The following NELL2 variants were observed in gnomAD, a reference collection of about 807,000 sequenced individuals.
NELL2 encodes protein kinase C-binding protein NELL2.
NELL2 carries 41 observed loss-of-function variants against 109.6 expected under a neutral mutation model. That is an observed-to-expected ratio of 0.37 (90% CI 0.29 to 0.49). The LOEUF (loss-of-function observed/expected upper bound fraction) is 0.49, where lower values mean the gene tolerates loss of function less well. Ranked by LOEUF, NELL2 falls within the 20% of genes least tolerant of loss-of-function variation. NELL2 has a pLI of 0.98. For missense variants in NELL2, 900 were observed against 1,008.3 expected (o/e 0.89, Z 1.45); for synonymous variants, 355 against 344.7 (o/e 1.03, Z -0.33).
intron 12 of NELL2, among the ~76,000 whole-genome samples, chr12:44,698,151 CATG>C: frequency 6.6e-6 from 1 of 152,294 alleles, no homozygotes; most frequent in Admixed American, 6.5e-5. Context: ...CCTCCTCCAG[CATG>C]ATTTTATCTC....
intron 12 of NELL2, among the ~76,000 whole-genome samples, chr12:44,699,305 G>A (rs924317305): frequency 6.6e-6 from 1 of 151,952 alleles, no homozygotes; most frequent in African/African-American, 2.4e-5. Flanking sequence ...CACTAAAGTA[G>A]GCCAATATAC....
At chr12:44,831,128 A>T (rs1943875179) in intron 2 of NELL2, among the ~76,000 whole-genome samples, 1 of 151,986 alleles carries the variant, frequency 6.6e-6, no homozygotes, top group South Asian at 2.1e-4. Flanking sequence ...AATTAAACTC[A>T]CTATTTAAAT....
chr12:44,532,836 A>G, intron 15 of NELL2, 115 bp from the exon 16 acceptor site: 1 of 913,636 alleles, frequency 1.1e-6, no homozygotes, highest in Non-Finnish European at 1.6e-6. Flanking sequence ...AAACTGGGAA[A>G]ATATAAAATT....
rs559597201 is a variant in NELL2 at position 44,875,597 on chromosome 12, C to T, written c.55+218G>A. ...CCCTTCTCTCTGCAAAGTTCCCCCT[C>T]AGCCCTCCGACCCTGGACTAGGGGC... On this transcript the variant is annotated intron_variant, in intron 1 of 19. Coordinates refer to ENST00000429094, the MANE Select transcript of NELL2 (RefSeq NM_001145108.2). The T allele has an allele frequency of 1.1e-5, 18 of 1,613,562 alleles. No individual in the cohort carries two copies. In the East Asian group the frequency reaches 3.6e-4, roughly 32 times the overall value.
chr12:44,905,601 T>C (rs1285684603), intron 1 of NELL2, among the ~76,000 whole-genome samples: 1 of 152,092 alleles, frequency 6.6e-6, no homozygotes, highest in African/African-American at 2.4e-5. Flanking sequence ...AATTAATATC[T>C]GGTTATCCAA....
At chr12:44,601,748 T>C (rs1003015619) in intron 15 of NELL2, among the ~76,000 whole-genome samples, 1 of 152,178 alleles carries the variant, frequency 6.6e-6, no homozygotes, top group African/African-American at 2.4e-5. Context: ...CCTTACTTCA[T>C]TTAATCTCTA....
rs555907202 is a variant in NELL2 at position 44,836,617 on chromosome 12, T to C, written c.185-20481A>G. Reference sequence around the variant, plus strand: ...TGATAGAGAAAAACTAGGATTTCCATAGTCAGAGGAAGGAAGAGAGAAAGT... The same window carrying C: ...TGATAGAGAAAAACTAGGATTTCCACAGTCAGAGGAAGGAAGAGAGAAAGT... On this transcript the variant is annotated intron_variant, in intron 2 of 19. Coordinates refer to ENST00000429094, the MANE Select transcript of NELL2 (RefSeq NM_001145108.2). Among the ~76,000 whole-genome samples the C allele has an allele frequency of 7.9e-5, 12 of 152,282 alleles. No individual in the cohort carries two copies. The South Asian group carries it at 2.3e-3, about 29-fold the overall frequency.
chr12:44,655,133 C>T (rs73285888), intron 13 of NELL2, among the ~76,000 whole-genome samples: 5,263 of 152,214 alleles, frequency 0.035, 305 homozygotes, highest in African/African-American at 0.12. Context: ...AATACATCCA[C>T]CTGGGACAAA....
chr12:44,591,094 A>G (rs992027500), intron 15 of NELL2, among the ~76,000 whole-genome samples: 7 of 152,228 alleles, frequency 4.6e-5, no homozygotes, highest in African/African-American at 1.2e-4. Context: ...TACCACAGTT[A>G]GAATGGCTAT....
chr12:44,870,726 A>G (rs879522744), intron 2 of NELL2, among the ~76,000 whole-genome samples: 1 of 152,102 alleles, frequency 6.6e-6, no homozygotes, highest in Non-Finnish European at 1.5e-5. Flanking sequence ...CTCTACACTG[A>G]CTATTCTGCT....
chr12:44,743,375 A>G (rs1406260422), intron 9 of NELL2, among the ~76,000 whole-genome samples: 1 of 152,232 alleles, frequency 6.6e-6, no homozygotes, highest in East Asian at 1.9e-4. Flanking sequence ...CATCGAGGCT[A>G]GGAAGAAACT....
At chr12:44,628,227 G>A (rs2136281472) in intron 13 of NELL2, among the ~76,000 whole-genome samples, 1 of 152,292 alleles carries the variant, frequency 6.6e-6, no homozygotes, top group Non-Finnish European at 1.5e-5. Flanking sequence ...CAATGTTAAT[G>A]AATAATACAA....
intron 13 of NELL2, among the ~76,000 whole-genome samples, chr12:44,634,209 CAT>C (rs1409260617): frequency 6.6e-6 from 1 of 151,988 alleles, no homozygotes; most frequent in East Asian, 1.9e-4. Flanking sequence ...TTCTGGGACA[CAT>C]GTGCAGAAGG....
In NELL2 at chr12:44,777,278, G is replaced by C. The variant is rs774343856; in HGVS notation, c.643C>G (p.Gln215Glu). The C allele has an allele frequency of 1.2e-6, 2 of 1,613,802 alleles. No individual in the cohort carries two copies. The highest frequency in any genetic ancestry group is 2.2e-5 in the South Asian group (2 of 91,064). ...MQDVQLLVMP[Q>E]GFIAQCPDLN... ...TCTGGGCACTGAGCAATAAATCCCTGGGGCATGACAAGTAATTGGACATCT... is the reference window on the plus strand; with the variant it reads ...TCTGGGCACTGAGCAATAAATCCCTCGGGCATGACAAGTAATTGGACATCT... The change falls in exon 6 of 20, where the codon CAG becomes GAG. Residue 215 changes from glutamine (Q) to glutamate (E), a missense_variant. Coordinates refer to ENST00000429094, the MANE Select transcript of NELL2 (RefSeq NM_001145108.2).
chr12:44,814,228 G>A (rs567510734), intron 3 of NELL2, among the ~76,000 whole-genome samples: 1 of 152,292 alleles, frequency 6.6e-6, no homozygotes, highest in South Asian at 2.1e-4. Context: ...CATCATCTAT[G>A]TAAGGGATGT....
chr12:44,658,737 G>A (rs965638497), intron 13 of NELL2, among the ~76,000 whole-genome samples: 2 of 151,762 alleles, frequency 1.3e-5, no homozygotes, highest in African/African-American at 4.8e-5. Context: ...TTAGCTGGGT[G>A]AGGTGGCAGG....
chr12:44,876,636 A>T (rs1340738564), upstream of NELL2: 2 of 1,551,396 alleles, frequency 1.3e-6, no homozygotes, highest in Non-Finnish European at 1.7e-6. Context: ...GTCTTGAAAG[A>T]CAGGAGAGAA....
At chr12:44,620,121 G>GTTTTT (rs147103574) in intron 13 of NELL2, among the ~76,000 whole-genome samples, 1 of 134,436 alleles carries the variant, frequency 7.4e-6, no homozygotes, top group Non-Finnish European at 1.6e-5. Context: ...CCTGGGTTTT[G>GTTTTT]TTTTTTTTTT....
intron 3 of NELL2, among the ~76,000 whole-genome samples, chr12:44,811,809 C>A (rs1329181602): frequency 6.6e-6 from 1 of 152,052 alleles, no homozygotes; most frequent in African/African-American, 2.4e-5. Context: ...TATTAATGTT[C>A]ATTTCATGTT....
Sources: allele counts gnomAD v4.1 joint callset (sites outside exome capture counted in the v4.1 genomes callset), GRCh38; gene constraint gnomAD v4.1.1; transcripts MANE v1.5; gene names NCBI Gene and HGNC (gene_info 2026-07-23, HGNC 2026-07-21).